Variants in DSCAM observed in about 807,000 individuals in gnomAD.
The protein encoded by DSCAM is cell adhesion molecule DSCAM.
In DSCAM, 47 loss-of-function variants were observed where a neutral mutation model predicts 217.7. The observed-to-expected ratio is 0.22, with a 90% confidence interval of 0.17 to 0.28. DSCAM has a LOEUF of 0.28. Ranked by LOEUF, DSCAM falls within the 10% of genes least tolerant of loss-of-function variation. The pLI is 1.00. For missense variants in DSCAM, 2,080 were observed against 2,618.3 expected (o/e 0.79, Z 4.49); for synonymous variants, 1,056 against 1,015.3 (o/e 1.04, Z -0.76).
chr21:40,651,148 A>T (rs555298698), intron 3 of DSCAM, among the ~76,000 whole-genome samples: 1 of 152,254 alleles, frequency 6.6e-6, no homozygotes, highest in Non-Finnish European at 1.5e-5. Flanking sequence ...AGCTCAGGTC[A>T]TTGCCTCATG....
At chr21:40,339,857 GC>G (rs2074472300) in intron 6 of DSCAM, among the ~76,000 whole-genome samples, 1 of 39,558 alleles carries the variant, frequency 2.5e-5, no homozygotes, top group Admixed American at 3.1e-4. Flanking sequence ...AATTACTTTT[GC>G]ACCAACCTAA....
chr21:40,346,921 T>C (rs2074563919), intron 6 of DSCAM, among the ~76,000 whole-genome samples: 1 of 152,144 alleles, frequency 6.6e-6, no homozygotes, highest in South Asian at 2.1e-4. Flanking sequence ...CCTGGCAATG[T>C]CTGGAGACAT....
intron 8 of DSCAM, among the ~76,000 whole-genome samples, chr21:40,333,897 G>A (rs1018591912): frequency 6.6e-6 from 1 of 152,152 alleles, no homozygotes; most frequent in Non-Finnish European, 1.5e-5. Flanking sequence ...TCTGCACCTG[G>A]CTGCTTAAGC....
intron 1 of DSCAM, among the ~76,000 whole-genome samples, chr21:40,710,061 G>A (rs2090762107): frequency 6.6e-6 from 1 of 152,038 alleles, no homozygotes; most frequent in African/African-American, 2.4e-5. Context: ...ATCTCATTGT[G>A]GCTTTGATTT....
intron 3 of DSCAM, among the ~76,000 whole-genome samples, chr21:40,619,987 A>G (rs1394481002): frequency 4.8e-5 from 7 of 144,968 alleles, no homozygotes; most frequent in East Asian, 2.0e-4. Flanking sequence ...AAGAAAAAGA[A>G]AGAGAGAGAG....
chr21:40,743,245 A>T (rs2091142036), intron 1 of DSCAM, among the ~76,000 whole-genome samples: 1 of 152,222 alleles, frequency 6.6e-6, no homozygotes. Context: ...GCTCCCACAG[A>T]CATGGTTCAT....
chr21:40,065,681 G>C (rs113967698), intron 27 of DSCAM, among the ~76,000 whole-genome samples: 4,421 of 152,146 alleles, frequency 0.029, 226 homozygotes, highest in African/African-American at 0.1. Flanking sequence ...AGGTCTGCAG[G>C]TCTCTCCCAG....
chr21:40,226,913 C>A (rs975499865), intron 11 of DSCAM, among the ~76,000 whole-genome samples: 1 of 152,076 alleles, frequency 6.6e-6, no homozygotes, highest in Non-Finnish European at 1.5e-5. Flanking sequence ...CATCCACCCT[C>A]CAAAAGGCTC....
intron 20 of DSCAM, among the ~76,000 whole-genome samples, chr21:40,098,993 C>G (rs2089717230): frequency 6.6e-6 from 1 of 152,184 alleles, no homozygotes. Context: ...AATCCTGAGA[C>G]TGTATGTACT....
rs900058413 is a variant in DSCAM at position 40,427,902 on chromosome 21, A to AT, written c.509-58658dup. ...TATCAGCACTGAGGCAGAAAGCCCC[A>AT]TTTTTTTAAAGGGAATTTCCCAAAT... On this transcript the variant is annotated intron_variant, in intron 3 of 32. Transcript: ENST00000400454. Among the ~76,000 whole-genome samples the AT allele has an allele frequency of 3.9e-5, 6 of 152,268 alleles. No individual in the cohort carries two copies. The South Asian group carries it at 6.2e-4, about 16-fold the overall frequency.
At chr21:40,419,662 C>T (rs1217551207) in intron 3 of DSCAM, among the ~76,000 whole-genome samples, 1 of 152,156 alleles carries the variant, frequency 6.6e-6, no homozygotes, top group Non-Finnish European at 1.5e-5. Context: ...ATCTTCTAGC[C>T]TATCAAAAGA....
At chr21:40,455,698 G>A (rs901679728) in intron 3 of DSCAM, among the ~76,000 whole-genome samples, 3 of 152,182 alleles carry the variant, frequency 2.0e-5, no homozygotes, top group Non-Finnish European at 2.9e-5. Context: ...GAATCCAGGA[G>A]GTGGAGGTTG....
chr21:40,308,534 C>T (rs1346068771), intron 9 of DSCAM, among the ~76,000 whole-genome samples: 1 of 152,152 alleles, frequency 6.6e-6, no homozygotes. Context: ...TGAATAGCTC[C>T]CTAATCTCCA....
Position 40,044,270 on chromosome 21 carries a change from T to A in DSCAM, c.5191A>T (p.Thr1731Ser). 1 of 1,613,640 alleles carries A rather than the reference T, an allele frequency of 6.2e-7. No homozygotes were observed. Residue 1731 changes from threonine (T) to serine (S), a missense_variant, in exon 31 of 33, where the codon ACC (threonine) becomes TCC (serine). This residue lies in a region of DSCAM where 1,144 missense variants were observed against 1,421.1 expected (regional missense o/e 0.81). Transcript: ENST00000400454. ...VSDARPGTNPTTRRNAKAGPT... is the reference protein window; with the variant it reads ...VSDARPGTNPSTRRNAKAGPT... ...CCAGCCTTGGCATTCCTCCTGGTGG[T>A]GGGATCTGTGAAGAGCCAAGAATCA...
chr21:40,126,888 T>C (rs144586882), intron 19 of DSCAM, among the ~76,000 whole-genome samples: 1 of 152,312 alleles, frequency 6.6e-6, no homozygotes, highest in African/African-American at 2.4e-5. Context: ...AACACGGCAT[T>C]TTGGAAGGTT....
At chr21:40,523,695 A>G (rs2076377772) in intron 3 of DSCAM, among the ~76,000 whole-genome samples, 1 of 152,166 alleles carries the variant, frequency 6.6e-6, no homozygotes, top group African/African-American at 2.4e-5. Flanking sequence ...AAATCCTGGG[A>G]TACAGAAAAG....
chr21:40,576,568 A>T (rs2146212594), intron 3 of DSCAM, among the ~76,000 whole-genome samples: 1 of 152,314 alleles, frequency 6.6e-6, no homozygotes. Context: ...TTATAATTCA[A>T]AAAATCATTT....
At chr21:40,047,633 A>G (rs757032022) in intron 30 of DSCAM, among the ~76,000 whole-genome samples, 2 of 152,230 alleles carry the variant, frequency 1.3e-5, no homozygotes, top group Non-Finnish European at 2.9e-5. Flanking sequence ...CATGGTATTA[A>G]TCTGCTTTCA....
intron 1 of DSCAM, among the ~76,000 whole-genome samples, chr21:40,756,042 G>A (rs919766263): frequency 6.6e-6 from 1 of 152,188 alleles, no homozygotes; most frequent in Non-Finnish European, 1.5e-5. Flanking sequence ...ATGTGGCCCT[G>A]CCAAAAACTT....
Sources: gnomAD v4.1 joint callset for allele counts (sites outside exome capture counted in the v4.1 genomes callset) on GRCh38, gnomAD v4.1.1 for gene constraint, gnomAD v4.1.1 regional missense constraint, MANE v1.5 for transcripts, NCBI Gene and HGNC (gene_info 2026-07-23, HGNC 2026-07-21) for gene names.